The following ANKRD26 variants were observed in gnomAD, a reference collection of about 807,000 sequenced individuals.
ANKRD26 encodes the protein ankyrin repeat domain-containing protein 26.
ANKRD26 carries 141 observed loss-of-function variants against 208.7 expected under a neutral mutation model. That is an observed-to-expected ratio of 0.68 (90% CI 0.59 to 0.78). The LOEUF is 0.78. Ranked by LOEUF, ANKRD26 falls within the 30% of genes least tolerant of loss-of-function variation. ANKRD26 has a pLI of 0.00. For synonymous variants in ANKRD26, 636 were observed against 660.4 expected, an observed-to-expected ratio of 0.96 and a Z score of 0.57; for missense variants, 1,889 against 1,938.7, an observed-to-expected ratio of 0.97 and a Z score of 0.48.
At chr10:27,001,009 AAAAC>A (rs535266067), downstream of ANKRD26, among the ~76,000 whole-genome samples, 384 of 152,270 alleles carry the variant, frequency 2.5e-3, 2 homozygotes, top group African/African-American at 8.4e-3. Context: ...CTCTGTCTCA[AAAAC>A]AAACAAACAA....
Position 27,037,286 on chromosome 10 carries a change from GA to G in ANKRD26, c.2596del (p.Ser866LeufsTer14). ...QERNDAQRQL[S>X]REQNARMLQD... is the part of the protein sequence containing the mutation. ...TAACATTCTGGCATTCTGTTCTCGA[GA>G]AAGTTGCCTCTGAGCGTCATTTCGC... On this transcript the variant is annotated frameshift_variant, in exon 23 of 34. Coordinates refer to ENST00000376087, the MANE Select transcript of ANKRD26 (RefSeq NM_014915.3). LOFTEE classifies it high-confidence loss of function. 6.2e-7 allele frequency: 1 copy of G among 1,613,884 alleles called. No homozygotes were observed. The highest frequency in any genetic ancestry group is 8.5e-7 in the Non-Finnish European group (1 of 1,179,850).
downstream of ANKRD26, among the ~76,000 whole-genome samples, chr10:26,973,107 T>G (rs1192938012): frequency 6.6e-6 from 1 of 152,220 alleles, no homozygotes; most frequent in Non-Finnish European, 1.5e-5. Context: ...ATATACCTGT[T>G]AAAACAAATG....
intron 4 of ANKRD26, chr10:26,995,275 C>T (rs2052565729): frequency 2.3e-6 from 1 of 432,992 alleles, no homozygotes; most frequent in South Asian, 1.7e-5. Context: ...AGAAGGGTCT[C>T]AAGAGAATGC....
Position 27,038,057 on chromosome 10 carries a change from G to A in ANKRD26, c.2376-3C>T. 6.2e-7 allele frequency: 1 copy of A among 1,605,876 alleles called. No homozygotes were observed. The highest frequency in any genetic ancestry group is 1.3e-5 in the African/African-American group (1 of 74,890). Reference sequence around the variant, plus strand: ...CTTCTTCTTGGTTTAAGCTAAATCTGCAGTTAAATATGTTTATCTTAAAAT... The same window carrying A: ...CTTCTTCTTGGTTTAAGCTAAATCTACAGTTAAATATGTTTATCTTAAAAT... On this transcript the variant is annotated splice_region_variant and splice_polypyrimidine_tract_variant and intron_variant, in intron 21 of 33. Transcript: ENST00000376087.
chr10:27,038,667 C>A (rs1380469055), intron 21 of ANKRD26, among the ~76,000 whole-genome samples: 2 of 150,648 alleles, frequency 1.3e-5, no homozygotes, highest in South Asian at 2.1e-4. Flanking sequence ...AAAAAAAAAT[C>A]TTTTTTTAAT....
At chr10:27,059,908 A>T (rs777389855) in intron 15 of ANKRD26, among the ~76,000 whole-genome samples, 1 of 148,478 alleles carries the variant, frequency 6.7e-6, no homozygotes, top group Non-Finnish European at 1.5e-5. Context: ...ACAAAAAACA[A>T]AAAACAAAAA....
At chr10:27,001,085 A>G (rs1016260326), downstream of ANKRD26, among the ~76,000 whole-genome samples, 2 of 152,222 alleles carry the variant, frequency 1.3e-5, no homozygotes, top group African/African-American at 4.8e-5. Flanking sequence ...TTATAGATTC[A>G]ATGCAATTCC....
intron 30 of ANKRD26, among the ~76,000 whole-genome samples, chr10:27,014,932 T>C (rs1382336959): frequency 2.0e-5 from 3 of 152,142 alleles, no homozygotes; most frequent in Non-Finnish European, 4.4e-5. Flanking sequence ...GAGTTTCTAC[T>C]AGAGAAGCAT....
intron 24 of ANKRD26, among the ~76,000 whole-genome samples, chr10:27,034,245 A>G (rs1056242720): frequency 6.6e-6 from 1 of 152,242 alleles, no homozygotes; most frequent in African/African-American, 2.4e-5. Flanking sequence ...AGATTGAAAT[A>G]TTTTTAGACA....
At chr10:27,078,139 T>C (rs1036331012) in intron 7 of ANKRD26, among the ~76,000 whole-genome samples, 2 of 152,210 alleles carry the variant, frequency 1.3e-5, no homozygotes, top group Admixed American at 6.5e-5. Context: ...TTGTTCTTAG[T>C]ATATTTTATG....
chr10:26,988,893 A>AAT (rs1260761877), downstream of ANKRD26, among the ~76,000 whole-genome samples: 2 of 151,538 alleles, frequency 1.3e-5, no homozygotes, highest in African/African-American at 2.4e-5. Context: ...AAAAAAAAAA[A>AAT]AATGTATCTT....
intron 5 of ANKRD26, among the ~76,000 whole-genome samples, chr10:26,977,687 G>C (rs1178569884): frequency 6.6e-6 from 1 of 152,160 alleles, no homozygotes. Context: ...AGAGACACAA[G>C]TCCATTTTGG....
the ANKRD26 span, among the ~76,000 whole-genome samples, chr10:26,958,089 A>ATTTATT: frequency 4.0e-5 from 6 of 149,926 alleles, no homozygotes; most frequent in African/African-American, 1.5e-4. Context: ...ATATATATAT[A>ATTTATT]TATTTATTTT....
At chr10:26,987,293 T>A (rs1266936422), downstream of ANKRD26, among the ~76,000 whole-genome samples, 1 of 151,284 alleles carries the variant, frequency 6.6e-6, no homozygotes, top group African/African-American at 2.4e-5. Flanking sequence ...GGTGGGGGTA[T>A]GGGGGATGGA....
rs762045478 is a variant in ANKRD26 at position 27,037,284 on chromosome 10, G to A, written c.2599C>T (p.Arg867Ter). 24 of 1,613,822 alleles carry A rather than the reference G, an allele frequency of 1.5e-5. No homozygotes were observed. Among genetic ancestry groups the A allele is most frequent in the East Asian group, 2.2e-5 (1 of 44,838 alleles). The stretch of plus-strand genomic sequence containing the variant: ...TGTAACATTCTGGCATTCTGTTCTC[G>A]AGAAAGTTGCCTCTGAGCGTCATTT... ...ERNDAQRQLSREQNARMLQDG... is the reference protein window; with the variant it reads ...ERNDAQRQLS Residue 867 changes from arginine (R) to a stop codon, truncating the protein, a stop_gained, in exon 23 of 34, where the codon CGA becomes TGA. Coordinates refer to ENST00000376087, the MANE Select transcript of ANKRD26 (RefSeq NM_014915.3). LOFTEE classifies it high-confidence loss of function.
intron 1 of ANKRD26, among the ~76,000 whole-genome samples, chr10:27,098,024 G>A (rs116961196): frequency 0.011 from 1,622 of 151,984 alleles, 14 homozygotes; most frequent in Non-Finnish European, 0.018. Context: ...GTACCTGTTT[G>A]CATATATAAT....
intron 11 of ANKRD26, among the ~76,000 whole-genome samples, chr10:27,065,079 G>C (rs976397597): frequency 6.6e-6 from 1 of 152,236 alleles, no homozygotes; most frequent in East Asian, 1.9e-4. Flanking sequence ...TCGGATGGCT[G>C]CTCCTTCTCT....
chr10:27,017,551 GCT>G lies in ANKRD26; in HGVS notation c.4455_4456del (p.Arg1485SerfsTer30). The G allele has an allele frequency of 6.2e-7, 1 of 1,613,602 alleles. No individual in the cohort carries two copies. The highest frequency in any genetic ancestry group is 8.5e-7 in the Non-Finnish European group (1 of 1,179,818). ...TAATTTTTCTGCTATTTCCTGTCTT[GCT>G]CTTTCTTCAATCTCCTGTTTATACT... On this transcript the variant is annotated frameshift_variant, in exon 30 of 34. Coordinates refer to ENST00000376087, the MANE Select transcript of ANKRD26 (RefSeq NM_014915.3). LOFTEE classifies it high-confidence loss of function.
rs760212656 is a variant in ANKRD26 at position 27,093,433 on chromosome 10, A to C, written c.447T>G (p.Ala149=). The C allele has an allele frequency of 8.7e-6, 14 of 1,614,058 alleles. No homozygotes were observed. The highest frequency in any genetic ancestry group is 1.3e-5 in the African/African-American group (1 of 74,940). The stretch of plus-strand genomic sequence containing the variant: ...CCTCATTATAGACAGCATAGTGAAG[A>C]GCAGTGTTGCCATGGACATCCGCAA... The part of the protein sequence containing the change: ...PNLADVHGNT[A]LHYAVYNEDI... The change falls in exon 3 of 34, where the codon GCT becomes GCG. Residue 149 remains alanine, a synonymous_variant. Transcript: ENST00000376087.
Sources: gnomAD v4.1 joint callset for allele counts (sites outside exome capture counted in the v4.1 genomes callset) on GRCh38, gnomAD v4.1.1 for gene constraint, MANE v1.5 for transcripts, NCBI Gene and HGNC (gene_info 2026-07-23, HGNC 2026-07-21) for gene names.